Variants in PPP1R16B observed in about 807,000 individuals in gnomAD.
PPP1R16B encodes the protein protein phosphatase 1 regulatory subunit 16B, also known as protein phosphatase 1 regulatory inhibitor subunit 16B.
Under a neutral mutation model 61.7 loss-of-function variants are expected in PPP1R16B, and 14 were observed. The ratio of observed to expected loss-of-function variants is 0.23; its 90% CI spans 0.15 to 0.35. The LOEUF (loss-of-function observed/expected upper bound fraction) is 0.35, where lower values mean the gene tolerates loss of function less well. Ranked by LOEUF, PPP1R16B falls within the 10% of genes least tolerant of loss-of-function variation. The probability of loss-of-function intolerance (pLI) is 1.00; values close to 1 mark genes in which losing one functional copy is unlikely to be tolerated. For synonymous variants in PPP1R16B, 266 were observed against 305.3 expected, an observed-to-expected ratio of 0.87 and a Z score of 1.34; for missense variants, 547 against 752.5, an observed-to-expected ratio of 0.73 and a Z score of 3.19.
At chr20:38,853,213 T>C (rs532657981) in intron 2 of PPP1R16B, among the ~76,000 whole-genome samples, 2 of 152,152 alleles carry the variant, frequency 1.3e-5, no homozygotes, top group East Asian at 3.9e-4. Flanking sequence ...AACACTGGGG[T>C]TTGAAAAACA....
At chr20:38,915,226 C>T (rs1255014640) in intron 10 of PPP1R16B, among the ~76,000 whole-genome samples, 1 of 152,118 alleles carries the variant, frequency 6.6e-6, no homozygotes, top group East Asian at 1.9e-4. Context: ...TTGACAAATG[C>T]ATAATGTCAT....
chr20:38,830,065 G>A (rs2084827737), intron 1 of PPP1R16B, among the ~76,000 whole-genome samples: 1 of 152,242 alleles, frequency 6.6e-6, no homozygotes, highest in Non-Finnish European at 1.5e-5. Flanking sequence ...GGACACTGCA[G>A]TGGTGCCTTC....
At chr20:38,831,393 T>C (rs1334872718) in intron 1 of PPP1R16B, among the ~76,000 whole-genome samples, 1 of 152,236 alleles carries the variant, frequency 6.6e-6, no homozygotes, top group Non-Finnish European at 1.5e-5. Flanking sequence ...TGGGGCCGCC[T>C]AGCTGCTGTG....
intron 2 of PPP1R16B, among the ~76,000 whole-genome samples, chr20:38,885,058 A>G (rs2085234203): frequency 8.2e-6 from 1 of 122,546 alleles, no homozygotes; most frequent in Non-Finnish European, 1.7e-5. Context: ...AAAAAAAAAA[A>G]AGAAGAAGAA....
At chr20:38,834,416 C>A (rs1456047739) in intron 1 of PPP1R16B, among the ~76,000 whole-genome samples, 1 of 152,172 alleles carries the variant, frequency 6.6e-6, no homozygotes, top group Non-Finnish European at 1.5e-5. Context: ...TCCTAAGACC[C>A]TTTCCCTCTG....
At chr20:38,911,834 G>C (rs577317854) in intron 10 of PPP1R16B, among the ~76,000 whole-genome samples, 67 of 152,272 alleles carry the variant, frequency 4.4e-4, no homozygotes, top group Admixed American at 2.0e-3. Flanking sequence ...ACTGCTCCTG[G>C]CCTCCATTCT....
chr20:38,889,836 G>A lies in PPP1R16B; in HGVS notation c.321+171G>A, dbSNP rs145660183. 5.3e-5 allele frequency among the ~76,000 whole-genome samples: 8 copies of A among 152,344 alleles called. No homozygotes were observed. In the East Asian group the frequency reaches 1.4e-3, roughly 26 times the overall value. The stretch of plus-strand genomic sequence containing the variant: ...TCTTGTCTACTTTGGAGATACGCGT[G>A]TCTGTTACTGCCATCCCACAGAGCC... On this transcript the variant is annotated intron_variant, in intron 3 of 10. Coordinates refer to ENST00000299824, the MANE Select transcript of PPP1R16B (RefSeq NM_015568.4).
At chr20:38,908,344 C>A in intron 10 of PPP1R16B, 151 bp downstream of exon 10, 1 of 1,014,514 alleles carries the variant, frequency 9.9e-7, no homozygotes, top group Non-Finnish European at 1.4e-6. Context: ...ATGATGATGG[C>A]TACTGTAGTT....
chr20:38,909,662 T>C (rs2085473430), intron 10 of PPP1R16B, among the ~76,000 whole-genome samples: 1 of 152,216 alleles, frequency 6.6e-6, no homozygotes, highest in Non-Finnish European at 1.5e-5. Flanking sequence ...TGAAATTGAT[T>C]AGCTACCGAG....
At chr20:38,882,906 C>T (rs962440154) in intron 2 of PPP1R16B, among the ~76,000 whole-genome samples, 1 of 152,044 alleles carries the variant, frequency 6.6e-6, no homozygotes, top group African/African-American at 2.4e-5. Flanking sequence ...GATCAGAGCT[C>T]GGTTTTTGTT....
intron 10 of PPP1R16B, among the ~76,000 whole-genome samples, chr20:38,917,144 A>G (rs879743254): frequency 2.0e-5 from 3 of 152,010 alleles, no homozygotes; most frequent in Non-Finnish European, 4.4e-5. Flanking sequence ...AAAAATACAA[A>G]AATTTGCTGG....
intron 2 of PPP1R16B, among the ~76,000 whole-genome samples, chr20:38,865,034 G>A (rs1230337239): frequency 6.6e-6 from 1 of 152,160 alleles, no homozygotes; most frequent in Admixed American, 6.5e-5. Context: ...TCTGTCTCTT[G>A]GGCTCTGTCC....
intron 2 of PPP1R16B, among the ~76,000 whole-genome samples, chr20:38,883,277 G>T (rs1163289516): frequency 6.6e-6 from 1 of 152,230 alleles, no homozygotes; most frequent in Non-Finnish European, 1.5e-5. Context: ...GCCTATGGTC[G>T]CATGTTGCTA....
intron 1 of PPP1R16B, among the ~76,000 whole-genome samples, chr20:38,822,420 T>C (rs1274046888): frequency 6.6e-6 from 1 of 152,070 alleles, no homozygotes; most frequent in Non-Finnish European, 1.5e-5. Flanking sequence ...ACGAAAGTTA[T>C]CTAGTGCCAT....
chr20:38,831,457 A>G (rs1358680243), intron 1 of PPP1R16B, among the ~76,000 whole-genome samples: 2 of 152,216 alleles, frequency 1.3e-5, no homozygotes, highest in African/African-American at 4.8e-5. Context: ...TTTCTTGTTC[A>G]GAGTGGAGCT....
At chr20:38,828,468 C>T (rs1396638716) in intron 1 of PPP1R16B, among the ~76,000 whole-genome samples, 1 of 152,340 alleles carries the variant, frequency 6.6e-6, no homozygotes, top group East Asian at 1.9e-4. Context: ...CAGGTGGCAA[C>T]ATCCAATTCA....
At chr20:38,914,164 C>G (rs1261223532) in intron 10 of PPP1R16B, among the ~76,000 whole-genome samples, 5 of 148,316 alleles carry the variant, frequency 3.4e-5, no homozygotes, top group Non-Finnish European at 7.4e-5. Context: ...GCCTGGGCAA[C>G]AGAGTGAGAC....
chr20:38,845,242 T>C (rs2084930099), intron 2 of PPP1R16B, among the ~76,000 whole-genome samples: 1 of 81,738 alleles, frequency 1.2e-5, no homozygotes, highest in Non-Finnish European at 2.8e-5. Flanking sequence ...TCTTCAGCCC[T>C]TCGGATCTAC....
At chr20:38,858,236 A>G (rs1358795448) in intron 2 of PPP1R16B, among the ~76,000 whole-genome samples, 1 of 152,100 alleles carries the variant, frequency 6.6e-6, no homozygotes, top group African/African-American at 2.4e-5. Context: ...CGGGGAACAC[A>G]GTGTAGTCTA....
Sources: allele counts gnomAD v4.1 joint callset (sites outside exome capture counted in the v4.1 genomes callset), GRCh38; gene constraint gnomAD v4.1.1; transcripts MANE v1.5; gene names NCBI Gene and HGNC (gene_info 2026-07-23, HGNC 2026-07-21).